Variants in ZBTB18 observed in about 807,000 individuals in gnomAD.
ZBTB18 encodes zinc finger and BTB domain-containing protein 18.
ZBTB18 carries 2 observed loss-of-function variants against 37.7 expected under a neutral mutation model. That is an observed-to-expected ratio of 0.05 (90% confidence interval 0.02 to 0.17). ZBTB18 has a LOEUF of 0.17. Ranked by LOEUF, ZBTB18 falls within the 10% of genes least tolerant of loss-of-function variation. The pLI, the probability that ZBTB18 is intolerant of heterozygous loss-of-function variation, is 1.00. For synonymous variants in ZBTB18, 304 were observed against 276.5 expected (o/e 1.10, Z -0.99); for missense variants, 408 against 686.3 (o/e 0.59, Z 4.53).
At chr1:244,048,949 A>AGGACGCGGCGGC (rs1265195642), upstream of ZBTB18, 2 of 158,386 alleles carry the variant, frequency 1.3e-5, no homozygotes, top group Non-Finnish European at 2.7e-5. Context: ...GAGGAGGCGG[A>AGGACGCGGCGGC]GGACGCGGCG....
Position 244,055,292 on chromosome 1 carries a change from G to T in ZBTB18, c.1518G>T (p.Ser506=). The T allele has an allele frequency of 6.2e-7, 1 of 1,613,572 alleles. No homozygotes were observed. The highest frequency in any genetic ancestry group is 1.1e-5 in the South Asian group (1 of 91,068). The change falls in exon 2 of 2, where the codon TCG becomes TCT. Residue 506 remains serine, a synonymous_variant. Coordinates refer to ENST00000358704, the MANE Select transcript of ZBTB18 (RefSeq NM_205768.3). This position sits in a 1 kb window ranked among gnomAD's most constrained non-coding sequence, Gnocchi z 7.0. ...KFHCELVNSL[S]VKSEALSLPT... ...ACTGTGAGTTGGTGAACTCCTTGTC[G>T]GTCAAAAGCGAAGCACTGAGCTTGC...
At chr1:244,049,329 G>A (rs1267616048), upstream of ZBTB18, among the ~76,000 whole-genome samples, 1 of 147,852 alleles carries the variant, frequency 6.8e-6, no homozygotes, top group Non-Finnish European at 1.5e-5. Flanking sequence ...GTGCAGCTGC[G>A]GTGGCGCCTC....
At position 244,053,767 on chromosome 1, in the gene ZBTB18, G is replaced by T; in HGVS notation, c.14-21G>T. 1 of 1,584,762 alleles carries T rather than the reference G, an allele frequency of 6.3e-7. No individual in the cohort carries two copies. Among genetic ancestry groups the T allele is most frequent in the South Asian group, 1.1e-5 (1 of 87,172 alleles). On this transcript the variant is annotated intron_variant, in intron 1 of 1. Transcript: ENST00000358704. The surrounding 1 kb of genome is among the most constrained non-coding windows in gnomAD (Gnocchi z 5.2). ...AAGTTGTTCCTGACCAGGCTCTAAT[G>T]AGAAATTCCTCTCTCCCCAGGTTAT...
In ZBTB18 at chr1:244,055,713, A is replaced by G. The variant is rs538216631; in HGVS notation, c.*343A>G. The G allele has an allele frequency of 6.0e-6, 1 of 166,006 alleles. No homozygotes were observed. The highest frequency in any genetic ancestry group is 6.6e-5 in the Admixed American group (1 of 15,206). The allele number at this position is 166,006 out of a possible 1,614,324, so 10.3% of individuals were successfully genotyped here. A position where few individuals can be genotyped will look rare whatever the true frequency, so the allele number is the denominator to read the frequency against. ...TTTGAGCTCTTTTTTCCCCCCCAAC[A>G]AAGTTTTTTTGTTTTTTGTTTTTTT... On this transcript the variant is annotated 3_prime_UTR_variant, in exon 2 of 2. Transcript: ENST00000358704. The surrounding 1 kb of genome is among the most constrained non-coding windows in gnomAD (Gnocchi z 7.0).
Position 244,055,323 on chromosome 1 carries a change from G to A in ZBTB18, c.1549G>A (p.Val517Ile). The change falls in exon 2 of 2, where the codon GTC becomes ATC. Residue 517 changes from valine to isoleucine, a missense_variant. Physicochemically the swap from Val to Ile is conservative, Grantham distance 29. Coordinates refer to ENST00000358704, the MANE Select transcript of ZBTB18 (RefSeq NM_205768.3). The surrounding 1 kb of genome is among the most constrained non-coding windows in gnomAD (Gnocchi z 7.0). ...VKSEALSLPT[V>I]RDWTLEDSSQ... ...AAGCGAAGCACTGAGCTTGCCTACT[G>A]TCAGAGACTGGACCTTAGAAGATAG... is the stretch of plus-strand genomic sequence containing the variant. 6.2e-7 allele frequency: 1 copy of A among 1,611,312 alleles called. No homozygotes were observed. The highest frequency in any genetic ancestry group is 8.5e-7 in the Non-Finnish European group (1 of 1,178,424).
Position 244,054,229 on chromosome 1 carries a change from G to T in ZBTB18, c.455G>T (p.Ser152Ile). ...DASSCSDKVE[S>I]LSDGSSHIAG... ...TCAAGTTGTTCGGACAAAGTCGAGA[G>T]TCTCTCCGATGGCAGCAGCCACATA... The change falls in exon 2 of 2, where the codon AGT becomes ATT. Residue 152 changes from serine to isoleucine, a missense_variant. This residue lies in a region of ZBTB18 where 95 missense variants were observed against 218.7 expected (regional missense o/e 0.43). Transcript: ENST00000358704. This position sits in a 1 kb window ranked among gnomAD's most constrained non-coding sequence, Gnocchi z 9.0. 6.2e-7 allele frequency: 1 copy of T among 1,614,194 alleles called. No individual in the cohort carries two copies. Among genetic ancestry groups the T allele is most frequent in the African/African-American group, 1.3e-5 (1 of 75,050 alleles).
At chr1:244,050,122 G>C (rs181059151), upstream of ZBTB18, among the ~76,000 whole-genome samples, 15 of 152,328 alleles carry the variant, frequency 9.8e-5, no homozygotes, top group African/African-American at 3.6e-4. Flanking sequence ...GAGTCGTCGG[G>C]TTTTGTTACT....
chr1:244,055,401 T>C lies in ZBTB18; in HGVS notation c.*31T>C, dbSNP rs1401491656. The C allele has an allele frequency of 1.6e-6, 1 of 644,970 alleles. No individual in the cohort carries two copies. The highest frequency in any genetic ancestry group is 2.1e-6 in the Non-Finnish European group (1 of 465,230). 40.0% of individuals were successfully genotyped at this position (644,970 alleles called of 1,614,324 possible). On this transcript the variant is annotated 3_prime_UTR_variant, in exon 2 of 2. Transcript: ENST00000358704. This position sits in a 1 kb window ranked among gnomAD's most constrained non-coding sequence, Gnocchi z 7.0. ...TATATATATAAATAATATATATATATATACATATATATAAATAGATCTCTA... is the reference window on the plus strand; with the variant it reads ...TATATATATAAATAATATATATATACATACATATATATAAATAGATCTCTA...
intron 1 of ZBTB18, among the ~76,000 whole-genome samples, chr1:244,052,947 A>G (rs565286696): frequency 2.0e-5 from 3 of 152,358 alleles, no homozygotes; most frequent in African/African-American, 7.2e-5. Context: ...AGTTTAGATG[A>G]GAATTTTCGG....
upstream of ZBTB18, chr1:244,051,185 G>C (rs1698341756): frequency 2.0e-5 from 9 of 450,860 alleles, no homozygotes; most frequent in East Asian, 1.1e-4. Context: ...ATTAAAAGGA[G>C]CACAGCTGGA....
chr1:244,050,370 C>T (rs1157673812), upstream of ZBTB18, among the ~76,000 whole-genome samples: 1 of 151,584 alleles, frequency 6.6e-6, no homozygotes, highest in Non-Finnish European at 1.5e-5. Context: ...GAAAAGTTCT[C>T]AAACTTACTA....
upstream of ZBTB18, among the ~76,000 whole-genome samples, chr1:244,049,588 TTTG>T (rs1462485092): frequency 2.6e-5 from 4 of 152,006 alleles, no homozygotes. Flanking sequence ...CGACTTTTCT[TTTG>T]TTGTTGCCGT....
At chr1:244,048,706 G>A (rs1382340105), upstream of ZBTB18, among the ~76,000 whole-genome samples, 2 of 145,692 alleles carry the variant, frequency 1.4e-5, no homozygotes, top group Non-Finnish European at 3.0e-5. Flanking sequence ...CGCTGTGTCT[G>A]GCAGGCTGCG....
rs1008493048 is a variant in ZBTB18 at position 244,056,188 on chromosome 1, A to AT, written c.*824dup. The AT allele has an allele frequency of 6.0e-6, 1 of 167,074 alleles. No individual in the cohort carries two copies. 10.3% of individuals were successfully genotyped at this position (167,074 alleles called of 1,614,324 possible). ...TACAGAAATGCATGAGTTTCAATAT[A>AT]TTTTTTGTCTTTGTTTGCATTGTAT... On this transcript the variant is annotated 3_prime_UTR_variant, in exon 2 of 2. Transcript: ENST00000358704.
At chr1:244,051,777 T>G (rs1308959538) in intron 1 of ZBTB18, among the ~76,000 whole-genome samples, 2 of 152,134 alleles carry the variant, frequency 1.3e-5, no homozygotes, top group Non-Finnish European at 2.9e-5. Context: ...GTGGTGGTGG[T>G]GGGGAAATAG....
Position 244,056,232 on chromosome 1 carries a change from TA to T in ZBTB18, c.*866del, listed in dbSNP as rs1698465193. The T allele has an allele frequency of 6.0e-6, 1 of 167,076 alleles. No homozygotes were observed. The highest frequency in any genetic ancestry group is 1.5e-5 in the Non-Finnish European group (1 of 68,122). The allele number at this position is 167,076 out of a possible 1,614,324, so 10.3% of individuals were successfully genotyped here. A position where few individuals can be genotyped will look rare whatever the true frequency, so the allele number is the denominator to read the frequency against. On this transcript the variant is annotated 3_prime_UTR_variant, in exon 2 of 2. Coordinates refer to ENST00000358704, the MANE Select transcript of ZBTB18 (RefSeq NM_205768.3). ...ATTGTATAACTTTAACGAGTGAGTT[TA>T]AAATTATTTAATTTCCTTAGAAAAA...
chr1:244,048,628 G>GCCCCCCCCCCCCCCCCCCCCCCCCCCCCC (rs1325001619), upstream of ZBTB18, among the ~76,000 whole-genome samples: 6 of 79,492 alleles, frequency 7.5e-5, no homozygotes, highest in Admixed American at 1.2e-4. Context: ...CCCCGCGCCC[G>GCCCCCCCCCCCCCCCCCCCCCCCCCCCCC]CCCCCCCCCC....
Position 244,055,106 on chromosome 1 carries a change from G to A in ZBTB18, c.1332G>A (p.Glu444=). The change falls in exon 2 of 2, where the codon GAG becomes GAA. Residue 444 remains glutamate (E), a synonymous_variant. Transcript: ENST00000358704. This position sits in a 1 kb window ranked among gnomAD's most constrained non-coding sequence, Gnocchi z 7.0. ...LKRHERTHSG[E]KPYTCTQCGK... ...GCCACGAGAGGACTCACTCGGGGGAGAAGCCCTACACATGCACCCAGTGCG... is the reference window on the plus strand; with the variant it reads ...GCCACGAGAGGACTCACTCGGGGGAAAAGCCCTACACATGCACCCAGTGCG... 3 of 1,614,206 alleles carry A rather than the reference G, an allele frequency of 1.9e-6. No homozygotes were observed. The highest frequency in any genetic ancestry group is 2.5e-6 in the Non-Finnish European group (3 of 1,180,044).
At position 244,055,028 on chromosome 1, in the gene ZBTB18, G is replaced by A; in HGVS notation, c.1254G>A (p.Val418=). 6.2e-7 allele frequency: 1 copy of A among 1,614,182 alleles called. No homozygotes were observed. The change falls in exon 2 of 2, where the codon GTG becomes GTA. Residue 418 remains valine (V), a synonymous_variant. Coordinates refer to ENST00000358704, the MANE Select transcript of ZBTB18 (RefSeq NM_205768.3). This position sits in a 1 kb window ranked among gnomAD's most constrained non-coding sequence, Gnocchi z 7.0. The stretch of plus-strand genomic sequence containing the variant: ...GCAAGCCCGCCGCCGATGTCAACGT[G>A]CCCACGTGCTCGCTGTGTGGGAAGA... ...IRSKPAADVN[V]PTCSLCGKTF... is the part of the protein sequence containing the mutation.
Sources: allele counts gnomAD v4.1 joint callset (sites outside exome capture counted in the v4.1 genomes callset), GRCh38; gene constraint gnomAD v4.1.1; regional missense constraint gnomAD v4.1.1; non-coding constraint Gnocchi (gnomAD v3.1); transcripts MANE v1.5; gene names NCBI Gene and HGNC (gene_info 2026-07-23, HGNC 2026-07-21).